GRIK2: variants seen among roughly 807,000 people sequenced by gnomAD.
The protein encoded by GRIK2 is glutamate receptor ionotropic, kainate 2.
GRIK2 carries 32 observed loss-of-function variants against 100.3 expected under a neutral mutation model. The observed-to-expected ratio is 0.32, with a 90% CI of 0.24 to 0.43. The LOEUF is 0.43. Among genes scored for constraint, GRIK2 ranks in the 20% least tolerant of loss-of-function variants. The pLI is 1.00. For missense variants in GRIK2, 843 were observed against 1,114.9 expected (o/e 0.76, Z 3.47); for synonymous variants, 417 against 389.4 (o/e 1.07, Z -0.83).
intron 4 of GRIK2, among the ~76,000 whole-genome samples, chr6:101,676,323 AT>A (rs943139341): frequency 2.0e-5 from 3 of 152,112 alleles, no homozygotes; most frequent in African/African-American, 7.2e-5. Context: ...AACTTGAAAA[AT>A]GTCTTAAAGA....
chr6:101,726,985 A>G (rs559041634), intron 7 of GRIK2, among the ~76,000 whole-genome samples: 1 of 152,144 alleles, frequency 6.6e-6, no homozygotes, highest in African/African-American at 2.4e-5. Context: ...AGTATTACAG[A>G]TATTAATTTT....
chr6:102,046,989 A>C (rs1396226370), intron 15 of GRIK2, among the ~76,000 whole-genome samples: 1 of 152,186 alleles, frequency 6.6e-6, no homozygotes, highest in Non-Finnish European at 1.5e-5. Context: ...AATCAAAAGG[A>C]GTGTTAAAAA....
intron 10 of GRIK2, among the ~76,000 whole-genome samples, chr6:101,839,773 A>T (rs1267130611): frequency 6.6e-6 from 1 of 152,190 alleles, no homozygotes; most frequent in East Asian, 1.9e-4. Flanking sequence ...TCATTTGCAA[A>T]TTGGACTTTA....
chr6:101,423,334 T>C (rs1776512912), intron 2 of GRIK2, among the ~76,000 whole-genome samples: 1 of 152,196 alleles, frequency 6.6e-6, no homozygotes, highest in Non-Finnish European at 1.5e-5. Flanking sequence ...TAGGTATACT[T>C]TAAAAAGCTC....
chr6:101,625,335 T>G (rs1005261336), intron 3 of GRIK2, among the ~76,000 whole-genome samples: 16 of 151,730 alleles, frequency 1.1e-4, no homozygotes, highest in African/African-American at 3.9e-4. Context: ...ATCACACCAC[T>G]GCACTCAAGC....
intron 2 of GRIK2, among the ~76,000 whole-genome samples, chr6:101,579,571 G>T (rs897355553): frequency 1.3e-5 from 2 of 151,070 alleles, no homozygotes; most frequent in African/African-American, 2.4e-5. Flanking sequence ...GATACATTTG[G>T]GCCGGGCATG....
chr6:101,499,957 T>G (rs986467834), intron 2 of GRIK2, among the ~76,000 whole-genome samples: 1 of 152,234 alleles, frequency 6.6e-6, no homozygotes, highest in East Asian at 1.9e-4. Context: ...GCTATCCTTG[T>G]TTTTTTATGA....
chr6:101,789,264 G>T (rs565748373), intron 7 of GRIK2, among the ~76,000 whole-genome samples: 1 of 152,256 alleles, frequency 6.6e-6, no homozygotes, highest in Admixed American at 6.5e-5. Flanking sequence ...TGGTGTTTTA[G>T]ACCTGAAGTC....
intron 15 of GRIK2, among the ~76,000 whole-genome samples, chr6:102,043,675 T>G (rs1266535257): frequency 6.6e-6 from 1 of 151,250 alleles, no homozygotes; most frequent in African/African-American, 2.4e-5. Flanking sequence ...AATATAAGGT[T>G]GATCCTATAA....
intron 11 of GRIK2, among the ~76,000 whole-genome samples, chr6:101,886,059 A>G (rs1030581526): frequency 2.0e-5 from 3 of 152,164 alleles, no homozygotes; most frequent in African/African-American, 4.8e-5. Flanking sequence ...TGTGCTCCAC[A>G]TATTCAGCAC....
At chr6:101,899,620 T>C (rs994426338) in intron 12 of GRIK2, among the ~76,000 whole-genome samples, 1 of 152,110 alleles carries the variant, frequency 6.6e-6, no homozygotes, top group East Asian at 1.9e-4. Flanking sequence ...ACTTTTAACA[T>C]TTCGCTTTCT....
chr6:101,509,788 T>C (rs1385382179), intron 2 of GRIK2, among the ~76,000 whole-genome samples: 3 of 152,208 alleles, frequency 2.0e-5, no homozygotes, highest in South Asian at 2.1e-4. Flanking sequence ...ATTCACAAAT[T>C]GGTATTTTCT....
At chr6:101,697,309 C>CA (rs1345933434) in intron 7 of GRIK2, among the ~76,000 whole-genome samples, 1 of 151,152 alleles carries the variant, frequency 6.6e-6, no homozygotes, top group Non-Finnish European at 1.5e-5. Flanking sequence ...CTGTTGTATG[C>CA]AAAATCACTG....
At chr6:101,537,745 G>GATGC (rs1476605574) in intron 2 of GRIK2, among the ~76,000 whole-genome samples, 2 of 151,734 alleles carry the variant, frequency 1.3e-5, no homozygotes, top group African/African-American at 4.8e-5. Flanking sequence ...AATCATTAAT[G>GATGC]ATGCAGCTGG....
intron 12 of GRIK2, among the ~76,000 whole-genome samples, chr6:101,922,295 G>A (rs1475284949): frequency 6.6e-6 from 1 of 151,922 alleles, no homozygotes. Context: ...ATTTCCCATG[G>A]AATCCCTTGA....
chr6:101,858,564 A>G (rs1243894742), intron 10 of GRIK2, among the ~76,000 whole-genome samples: 1 of 149,592 alleles, frequency 6.7e-6, no homozygotes, highest in Non-Finnish European at 1.5e-5. Context: ...TTTTTTTTGT[A>G]TTTTTTAGTA....
At chr6:101,614,330 A>G (rs1316191207) in intron 2 of GRIK2, among the ~76,000 whole-genome samples, 2 of 151,702 alleles carry the variant, frequency 1.3e-5, no homozygotes, top group Non-Finnish European at 2.9e-5. Flanking sequence ...AACATACAGA[A>G]AAGTTCAAAC....
chr6:101,404,345 T>A (rs1038195308), intron 2 of GRIK2, among the ~76,000 whole-genome samples: 1 of 152,244 alleles, frequency 6.6e-6, no homozygotes, highest in African/African-American at 2.4e-5. Flanking sequence ...TTCTCACCAT[T>A]ACATAAAGTG....
intron 9 of GRIK2, among the ~76,000 whole-genome samples, chr6:101,810,686 T>C (rs186688190): frequency 1.3e-5 from 2 of 152,200 alleles, no homozygotes; most frequent in African/African-American, 2.4e-5. Flanking sequence ...CTTAGTTCAA[T>C]GGAAGTAAAC....
Sources: gnomAD v4.1 joint callset for allele counts (sites outside exome capture counted in the v4.1 genomes callset) on GRCh38, gnomAD v4.1.1 for gene constraint, MANE v1.5 for transcripts, NCBI Gene and HGNC (gene_info 2026-07-23, HGNC 2026-07-21) for gene names.